IWS1: variants seen among roughly 807,000 people sequenced by gnomAD.
IWS1 encodes the protein protein IWS1 homolog.
IWS1 carries 27 observed loss-of-function variants against 86.7 expected under a neutral mutation model. That is an observed-to-expected ratio of 0.31 (90% CI 0.23 to 0.43). The LOEUF (loss-of-function observed/expected upper bound fraction) is 0.43. Ranked by LOEUF, IWS1 falls within the 20% of genes least tolerant of loss-of-function variation. IWS1 has a pLI of 1.00. For missense variants in IWS1, 827 were observed against 1,000.8 expected, an observed-to-expected ratio of 0.83 and a Z score of 2.34; for synonymous variants, 313 against 335.1, an observed-to-expected ratio of 0.93 and a Z score of 0.72.
At position 127,526,029 on chromosome 2, in the gene IWS1, G is replaced by C. The variant is rs1573581377; in HGVS notation, c.34+146C>G. 5.7e-6 allele frequency: 4 copies of C among 706,762 alleles called. No individual in the cohort carries two copies. The East Asian group carries it at 1.1e-4, about 20-fold the overall frequency. The allele number at this position is 706,762 out of a possible 1,614,324, so 43.8% of individuals were successfully genotyped here. A position where few individuals can be genotyped will look rare whatever the true frequency, so the allele number is the denominator to read the frequency against. ...GTTCTAGCTTCGACGCTTGCAGCTG[G>C]TCAGAGGGCTCTTGCCCTCCTCGGG... On this transcript the variant is annotated intron_variant, in intron 1 of 13. Transcript: ENST00000295321.
intron 2 of IWS1, chr2:127,515,047 T>C (rs1691694760): frequency 6.6e-6 from 1 of 152,252 alleles, no homozygotes; most frequent in South Asian, 2.1e-4. Flanking sequence ...TTGAAAGCAA[T>C]TCCAATAGCT....
chr2:127,511,539 C>T (rs1691453179), intron 2 of IWS1: 1 of 152,212 alleles, frequency 6.6e-6, no homozygotes, highest in South Asian at 2.1e-4. Context: ...GCCATTCCCT[C>T]CCTTCATATC....
At chr2:127,485,375 T>G (rs1415715062) in intron 13 of IWS1, among the ~76,000 whole-genome samples, 2 of 152,194 alleles carry the variant, frequency 1.3e-5, no homozygotes, top group African/African-American at 2.4e-5. Context: ...GTTGGGCTTA[T>G]GAATGTTCCC....
intron 6 of IWS1, among the ~76,000 whole-genome samples, chr2:127,496,533 T>C (rs1286307438): frequency 1.4e-5 from 2 of 142,302 alleles, no homozygotes; most frequent in African/African-American, 5.4e-5. Flanking sequence ...TCTAAACAGG[T>C]GTACCATATT....
intron 6 of IWS1, 102 bp from the exon 7 acceptor site, chr2:127,496,250 T>C: frequency 1.6e-6 from 2 of 1,239,142 alleles, no homozygotes; most frequent in Non-Finnish European, 2.2e-6. Flanking sequence ...TCTAACTCAA[T>C]GAAGTGCTAC....
intron 5 of IWS1, 91 bp downstream of exon 5, chr2:127,502,724 A>G (rs1384992524): frequency 1.6e-6 from 1 of 639,348 alleles, no homozygotes; most frequent in Non-Finnish European, 2.8e-6. Flanking sequence ...GTTTATTCCT[A>G]CTTATTAGAA....
At chr2:127,492,735 G>A (rs1690297265) in intron 9 of IWS1, 1 of 152,564 alleles carries the variant, frequency 6.6e-6, no homozygotes, top group Non-Finnish European at 1.5e-5. Flanking sequence ...CTAGCTATGT[G>A]ACCTTGACGA....
intron 7 of IWS1, among the ~76,000 whole-genome samples, chr2:127,495,362 T>G (rs1443728817): frequency 6.6e-6 from 1 of 152,214 alleles, no homozygotes; most frequent in Non-Finnish European, 1.5e-5. Context: ...CTTGGGCAGT[T>G]TTTTCTATTT....
chr2:127,505,640 T>G lies in IWS1; in HGVS notation c.263A>C (p.His88Pro). The change falls in exon 3 of 14, where the codon CAC becomes CCC. Residue 88 changes from histidine (H) to proline (P), a missense_variant. Transcript: ENST00000295321. This position sits in a 1 kb window ranked among gnomAD's most constrained non-coding sequence, Gnocchi z 5.0. ...TTCAGAGTCGCTGTCCTTTTGCCTGTGAAGCTCCTCACTTTCAGAGTCACT... is the reference window on the plus strand; with the variant it reads ...TTCAGAGTCGCTGTCCTTTTGCCTGGGAAGCTCCTCACTTTCAGAGTCACT... ...NASDSESEEL[H>P]RQKDSDSESE... is the part of the protein sequence containing the mutation. 1 of 1,611,122 alleles carries G rather than the reference T, an allele frequency of 6.2e-7. No individual in the cohort carries two copies. The highest frequency in any genetic ancestry group is 1.1e-5 in the South Asian group (1 of 90,806).
At chr2:127,484,295 G>A (rs1165787078) in intron 13 of IWS1, among the ~76,000 whole-genome samples, 4 of 152,194 alleles carry the variant, frequency 2.6e-5, no homozygotes, top group South Asian at 2.1e-4. Flanking sequence ...CTGGGCGACA[G>A]AGTGAGACAC....
At chr2:127,504,523 C>T (rs1691007608) in intron 3 of IWS1, among the ~76,000 whole-genome samples, 161 bp downstream of exon 3, 1 of 152,060 alleles carries the variant, frequency 6.6e-6, no homozygotes, top group Admixed American at 6.5e-5. Flanking sequence ...TTAAGCTTAG[C>T]TAATGATAAC....
rs139812248 is a variant in IWS1 at position 127,505,646 on chromosome 2, T to C, written c.257A>G (p.Glu86Gly). 726 of 1,613,940 alleles carry C rather than the reference T, an allele frequency of 4.5e-4. 3 individuals carry two copies. The African/African-American group carries it at 8.3e-3, about 18-fold the overall frequency. ...NLNASDSESE[E>G]LHRQKDSDSE... ...GTCGCTGTCCTTTTGCCTGTGAAGC[T>C]CCTCACTTTCAGAGTCACTAGCATT... Residue 86 changes from glutamate (E) to glycine (G), a missense_variant, in exon 3 of 14, where the codon GAG (glutamate) becomes GGG (glycine). Physicochemically the swap from Glu to Gly is moderately conservative, Grantham distance 98 (BLOSUM62 -2). Coordinates refer to ENST00000295321, the MANE Select transcript of IWS1 (RefSeq NM_017969.3). This position sits in a 1 kb window ranked among gnomAD's most constrained non-coding sequence, Gnocchi z 5.0.
At chr2:127,507,113 C>T (rs949031859) in intron 2 of IWS1, among the ~76,000 whole-genome samples, 4 of 152,066 alleles carry the variant, frequency 2.6e-5, no homozygotes, top group Non-Finnish European at 5.9e-5. Context: ...ACCAAAGAGC[C>T]TTTAATAATA....
Position 127,505,411 on chromosome 2 carries a change from G to C in IWS1, c.492C>G (p.Leu164=). The C allele has an allele frequency of 6.2e-7, 1 of 1,614,040 alleles. No homozygotes were observed. Among genetic ancestry groups the C allele is most frequent in the Non-Finnish European group, 8.5e-7 (1 of 1,180,006 alleles). Residue 164 remains leucine (L), a synonymous_variant, in exon 3 of 14, where the codon CTC becomes CTG. Transcript: ENST00000295321. This position sits in a 1 kb window ranked among gnomAD's most constrained non-coding sequence, Gnocchi z 5.0. Reference sequence around the variant, plus strand: ...CAGAGTCACTAGCAGGACTCTTCTGGAGCTCCTCAATCTCAGAATCACTGG... The same window carrying C: ...CAGAGTCACTAGCAGGACTCTTCTGCAGCTCCTCAATCTCAGAATCACTGG... ...HPASDSEIEE[L]QKSPASDSET...
At chr2:127,524,541 C>CTT (rs111899416) in intron 1 of IWS1, among the ~76,000 whole-genome samples, 1 of 144,974 alleles carries the variant, frequency 6.9e-6, no homozygotes, top group African/African-American at 2.5e-5. Flanking sequence ...CATATAATTA[C>CTT]TTTTTTTTTT....
At chr2:127,488,392 T>C (rs1306457276) in intron 12 of IWS1, among the ~76,000 whole-genome samples, 1 of 152,202 alleles carries the variant, frequency 6.6e-6, no homozygotes, top group Non-Finnish European at 1.5e-5. Flanking sequence ...TCAAATCTAC[T>C]TCTCCCTCCA....
intron 4 of IWS1, 95 bp downstream of exon 4, chr2:127,503,292 C>T: frequency 1.2e-6 from 1 of 857,262 alleles, no homozygotes. Flanking sequence ...TCCCCAAAGA[C>T]ATGCAATTAG....
At chr2:127,517,941 T>C (rs907507751) in intron 2 of IWS1, among the ~76,000 whole-genome samples, 1 of 152,184 alleles carries the variant, frequency 6.6e-6, no homozygotes, top group African/African-American at 2.4e-5. Context: ...GAAAATATTA[T>C]GCTAAGTGAA....
At chr2:127,493,504 G>T in intron 8 of IWS1, 94 bp from the exon 9 acceptor site, 1 of 1,156,378 alleles carries the variant, frequency 8.6e-7, no homozygotes, top group Non-Finnish European at 1.2e-6. Context: ...TCTAAAAACT[G>T]CTTTTAAAGC....
Sources: allele counts gnomAD v4.1 joint callset (sites outside exome capture counted in the v4.1 genomes callset), GRCh38; gene constraint gnomAD v4.1.1; non-coding constraint Gnocchi (gnomAD v3.1); transcripts MANE v1.5; gene names NCBI Gene and HGNC (gene_info 2026-07-23, HGNC 2026-07-21).